ERICH6B: variants seen among roughly 807,000 people sequenced by gnomAD.
ERICH6B encodes the protein glutamate-rich protein 6B.
ERICH6B carries 69 observed loss-of-function variants against 80.0 expected under a neutral mutation model. That is an observed-to-expected ratio of 0.86 (90% CI 0.71 to 1.05). The LOEUF (loss-of-function observed/expected upper bound fraction) is 1.05. ERICH6B is among the 50% of genes least tolerant of loss of function. The pLI is 0.00. For synonymous variants in ERICH6B, 283 were observed against 291.9 expected, an observed-to-expected ratio of 0.97 and a Z score of 0.31; for missense variants, 754 against 796.1, an observed-to-expected ratio of 0.95 and a Z score of 0.64.
At chr13:45,579,620 A>C (rs1049926565) in intron 7 of ERICH6B, among the ~76,000 whole-genome samples, 3 of 152,178 alleles carry the variant, frequency 2.0e-5, no homozygotes, top group Non-Finnish European at 2.9e-5. Flanking sequence ...TATCCCAGTC[A>C]AACCCTGCTT....
In ERICH6B at chr13:45,541,967, C is replaced by A. The variant is rs1007064377; in HGVS notation, c.1873-287G>T. Among the ~76,000 whole-genome samples, 62 of 152,234 alleles carry A rather than the reference C, an allele frequency of 4.1e-4. 1 individual carries two copies. The highest frequency in any genetic ancestry group is 4.0e-3 in the Admixed American group (61 of 15,292). On this transcript the variant is annotated intron_variant, in intron 14 of 14. Coordinates refer to ENST00000298738, the MANE Select transcript of ERICH6B (RefSeq NM_182542.3). ...AGTTCTGGTGCCCTGGCGCGGCCTG[C>A]CCTCCAAAGGCGGTGCTTTCCTGCG...
intron 13 of ERICH6B, among the ~76,000 whole-genome samples, chr13:45,548,212 G>A (rs1039868757): frequency 6.6e-6 from 1 of 152,214 alleles, no homozygotes; most frequent in African/African-American, 2.4e-5. Flanking sequence ...AAATCGAAAA[G>A]TGACCTAAGA....
chr13:45,541,393 T>C lies in ERICH6B; in HGVS notation c.*69A>G. 1 of 1,410,798 alleles carries C rather than the reference T, an allele frequency of 7.1e-7. No homozygotes were observed. Among genetic ancestry groups the C allele is most frequent in the Non-Finnish European group, 9.7e-7 (1 of 1,034,614 alleles). The allele number at this position is 1,410,798 out of a possible 1,614,324, so 87.4% of individuals were successfully genotyped here. A position where few individuals can be genotyped will look rare whatever the true frequency, so the allele number is the denominator to read the frequency against. ...TAAAAGGTCAACAGGTCTTTGGGTT[T>C]TTTTTCCCTGGAGCTCCCAAGGTCT... On this transcript the variant is annotated 3_prime_UTR_variant, in exon 15 of 15. Transcript: ENST00000298738.
rs1302556464 is a variant in ERICH6B, at chr13:45,587,099, C to T, written c.820G>A (p.Ala274Thr). 1.9e-6 allele frequency: 3 copies of T among 1,551,714 alleles called. No individual in the cohort carries two copies. The highest frequency in any genetic ancestry group is 1.4e-5 in the African/African-American group (1 of 73,176). ...TCGTAGCACCAGTCTGTCTGACTGG[C>T]CTGGCTCCTCCTGTACAATGTCAGA... is the stretch of plus-strand genomic sequence containing the variant. ...LLLTLYRRSQASQTDWCYDRT... is the reference protein window; with the variant it reads ...LLLTLYRRSQTSQTDWCYDRT... The change falls in exon 5 of 15, where the codon GCC becomes ACC. Residue 274 changes from alanine to threonine, a missense_variant. Physicochemically the swap from Ala to Thr is moderately conservative, Grantham distance 58. Coordinates refer to ENST00000298738, the MANE Select transcript of ERICH6B (RefSeq NM_182542.3).
chr13:45,563,299 AT>A (rs1229918626), intron 10 of ERICH6B, among the ~76,000 whole-genome samples: 1 of 152,074 alleles, frequency 6.6e-6, no homozygotes, highest in Non-Finnish European at 1.5e-5. Context: ...ACCATTCTAT[AT>A]GGTAATTCCC....
At chr13:45,585,707 C>A (rs1160794658) in intron 5 of ERICH6B, among the ~76,000 whole-genome samples, 2 of 152,208 alleles carry the variant, frequency 1.3e-5, no homozygotes, top group African/African-American at 2.4e-5. Flanking sequence ...CAGACTTTTA[C>A]TAAACACTCA....
At chr13:45,564,258 G>A (rs575982746) in intron 9 of ERICH6B, among the ~76,000 whole-genome samples, 2 of 152,324 alleles carry the variant, frequency 1.3e-5, no homozygotes, top group East Asian at 3.9e-4. Flanking sequence ...AAAGCCACAC[G>A]AGTCACAGCT....
intron 1 of ERICH6B, among the ~76,000 whole-genome samples, chr13:45,611,851 CTA>C (rs1306288074): frequency 1.3e-5 from 2 of 152,180 alleles, no homozygotes; most frequent in African/African-American, 4.8e-5. Context: ...GTGCCAGGCA[CTA>C]TACTTAGCAT....
chr13:45,549,829 G>T, intron 13 of ERICH6B, 64 bp downstream of exon 13: 1 of 1,500,926 alleles, frequency 6.7e-7, no homozygotes, highest in Non-Finnish European at 8.9e-7. Context: ...CAGTCTGGGA[G>T]TCACGCTTTT....
chr13:45,570,338 C>T (rs1052282058), intron 8 of ERICH6B, among the ~76,000 whole-genome samples: 8 of 152,180 alleles, frequency 5.3e-5, no homozygotes, highest in African/African-American at 1.9e-4. Context: ...TGGCTCACAC[C>T]TGTAATCCCA....
chr13:45,545,057 C>T, intron 13 of ERICH6B, 72 bp from the exon 14 acceptor site: 1 of 1,252,560 alleles, frequency 8.0e-7, no homozygotes, highest in Non-Finnish European at 1.1e-6. Context: ...TCTTCTCCTT[C>T]CCTTTCTTTT....
At chr13:45,570,165 C>G (rs17066917) in intron 8 of ERICH6B, among the ~76,000 whole-genome samples, 13,442 of 152,204 alleles carry the variant, frequency 0.088, 1,000 homozygotes, top group African/African-American at 0.2. Flanking sequence ...GGAACTATCC[C>G]TATCATCATG....
intron 2 of ERICH6B, among the ~76,000 whole-genome samples, chr13:45,603,634 T>A (rs1488682639): frequency 6.6e-6 from 1 of 152,148 alleles, no homozygotes; most frequent in East Asian, 1.9e-4. Context: ...TGTCCCCAGA[T>A]CTCTGCCACA....
chr13:45,568,521 T>C, intron 8 of ERICH6B, 70 bp from the exon 9 acceptor site: 1 of 1,392,216 alleles, frequency 7.2e-7, no homozygotes, highest in Non-Finnish European at 9.5e-7. Context: ...ATCACTTTTC[T>C]GACTCTCAAA....
intron 13 of ERICH6B, among the ~76,000 whole-genome samples, chr13:45,548,057 G>A (rs1874060622): frequency 6.6e-6 from 1 of 152,218 alleles, no homozygotes; most frequent in Non-Finnish European, 1.5e-5. Context: ...GTTTGGGCAG[G>A]TCTCAACACT....
rs1873785662 is a variant in ERICH6B at position 45,541,697 on chromosome 13, A to G, written c.1873-17T>C. ...GATCACAAACTGTGGGGATTCACAG[A>G]GGACTGGGTGAGAATGCATGCTGCC... On this transcript the variant is annotated splice_polypyrimidine_tract_variant and intron_variant, in intron 14 of 14. Coordinates refer to ENST00000298738, the MANE Select transcript of ERICH6B (RefSeq NM_182542.3). The G allele has an allele frequency of 6.5e-7, 1 of 1,549,318 alleles. No homozygotes were observed. The highest frequency in any genetic ancestry group is 1.4e-5 in the African/African-American group (1 of 72,958).
At position 45,561,583 on chromosome 13, in the gene ERICH6B, A is replaced by T. The variant is rs896262124; in HGVS notation, c.1250-57T>A. ...AGATTTTGGTGGGAAAGAGAAAGGA[A>T]ACTTAGATCTGTCTCTCTCAAGGTG... On this transcript the variant is annotated intron_variant, in intron 10 of 14. Coordinates refer to ENST00000298738, the MANE Select transcript of ERICH6B (RefSeq NM_182542.3). 2.6e-6 allele frequency: 4 copies of T among 1,531,074 alleles called. No individual in the cohort carries two copies. In the East Asian group the frequency reaches 9.8e-5, roughly 38 times the overall value. 94.8% of individuals were successfully genotyped at this position (1,531,074 alleles called of 1,614,324 possible).
At chr13:45,590,066 T>G (rs1876095319) in intron 4 of ERICH6B, among the ~76,000 whole-genome samples, 1 of 152,116 alleles carries the variant, frequency 6.6e-6, no homozygotes, top group Non-Finnish European at 1.5e-5. Flanking sequence ...AGATAAATTA[T>G]CCTTTGGGGA....
chr13:45,607,297 G>C (rs528196592), intron 2 of ERICH6B, among the ~76,000 whole-genome samples: 1 of 152,144 alleles, frequency 6.6e-6, no homozygotes, highest in Admixed American at 6.6e-5. Flanking sequence ...CTTTAACCCT[G>C]CAAGAACATT....
Sources: allele counts gnomAD v4.1 joint callset (sites outside exome capture counted in the v4.1 genomes callset), GRCh38; gene constraint gnomAD v4.1.1; transcripts MANE v1.5; gene names NCBI Gene and HGNC (gene_info 2026-07-23, HGNC 2026-07-21).